The following C2CD5 variants were observed in gnomAD, a reference collection of about 807,000 sequenced individuals.
The protein encoded by C2CD5 is C2 calcium dependent domain containing 5.
A neutral mutation model predicts 130.3 loss-of-function variants in C2CD5; 109 were observed. The observed-to-expected ratio is 0.84, with a 90% CI of 0.72 to 0.98. C2CD5 has a LOEUF of 0.98. Ranked by LOEUF, C2CD5 falls within the 50% of genes least tolerant of loss-of-function variation. C2CD5 has a pLI of 0.00. For synonymous variants in C2CD5, 454 were observed against 429.2 expected, an observed-to-expected ratio of 1.06 and a Z score of -0.71; for missense variants, 996 against 1,261.8, an observed-to-expected ratio of 0.79 and a Z score of 3.19.
At chr12:22,534,404 C>A (rs565718522) in intron 3 of C2CD5, among the ~76,000 whole-genome samples, 2 of 151,934 alleles carry the variant, frequency 1.3e-5, no homozygotes, top group South Asian at 2.1e-4. Context: ...AAAACTTTTG[C>A]GCATCAAAGA....
intron 3 of C2CD5, among the ~76,000 whole-genome samples, chr12:22,534,404 C>T (rs565718522): frequency 2.1e-4 from 32 of 152,052 alleles, no homozygotes; most frequent in Non-Finnish European, 3.5e-4. Context: ...AAAACTTTTG[C>T]GCATCAAAGA....
chr12:22,512,610 C>A, intron 9 of C2CD5: 1 of 1,370,900 alleles, frequency 7.3e-7, no homozygotes, highest in Non-Finnish European at 9.7e-7. Context: ...GCTATCAATA[C>A]AAGAAATAGG....
intron 9 of C2CD5, among the ~76,000 whole-genome samples, chr12:22,509,219 C>T (rs1308512416): frequency 5.3e-5 from 8 of 152,214 alleles, no homozygotes; most frequent in Non-Finnish European, 1.2e-4. Flanking sequence ...CTGAAAATAA[C>T]ATTTTTGTAA....
Position 22,472,338 on chromosome 12 carries a change from C to G in C2CD5, c.2117G>C (p.Ser706Thr). The part of the protein sequence containing the change: ...TDVPPPSGFY[S>T]CNTEIMPGIN... The stretch of plus-strand genomic sequence containing the variant: ...ACCGGGCATAATTTCTGTATTACAA[C>G]TATAAAAGCCTGTCAAAATAAATTG... The change falls in exon 18 of 27, where the codon AGT (serine) becomes ACT (threonine). Residue 706 changes from serine to threonine, a missense_variant. Transcript: ENST00000446597. 2.8e-6 allele frequency: 4 copies of G among 1,426,526 alleles called. No individual in the cohort carries two copies. The highest frequency in any genetic ancestry group is 1.8e-4 in the Middle Eastern group (1 of 5,600). The allele number at this position is 1,426,526 out of a possible 1,614,324, so 88.4% of individuals were successfully genotyped here.
At position 22,481,465 on chromosome 12, in the gene C2CD5, A is replaced by G. The variant is rs1436900819; in HGVS notation, c.1737+1092T>C. Among the ~76,000 whole-genome samples, 3 of 152,256 alleles carry G rather than the reference A, an allele frequency of 2.0e-5. No individual in the cohort carries two copies. In the East Asian group the frequency reaches 5.8e-4, roughly 29 times the overall value. The stretch of plus-strand genomic sequence containing the variant: ...ATAAACGTGGTTCATCAGATTCCAT[A>G]TGATCAATACACTTTTTGCAGGCAC... On this transcript the variant is annotated intron_variant, in intron 14 of 26. Transcript: ENST00000446597.
At chr12:22,513,168 C>G (rs933212301) in intron 9 of C2CD5, 126 bp downstream of exon 9, 3 of 599,090 alleles carry the variant, frequency 5.0e-6, no homozygotes, top group Non-Finnish European at 8.8e-6. Flanking sequence ...CCATTTTGGA[C>G]TTCAAAACTG....
At chr12:22,469,685 T>C (rs1379884757) in intron 22 of C2CD5, 24 bp downstream of exon 22, 3 of 1,455,558 alleles carry the variant, frequency 2.1e-6, no homozygotes, top group Non-Finnish European at 2.8e-6. Flanking sequence ...GATTTGTGTT[T>C]GCTTTTTCCC....
chr12:22,466,953 C>T (rs1942186429), intron 22 of C2CD5, among the ~76,000 whole-genome samples: 1 of 152,140 alleles, frequency 6.6e-6, no homozygotes, highest in Non-Finnish European at 1.5e-5. Context: ...AGTGAAATCA[C>T]ATACAGAAGA....
chr12:22,510,681 A>C (rs779777137), intron 9 of C2CD5, among the ~76,000 whole-genome samples: 1 of 152,214 alleles, frequency 6.6e-6, no homozygotes, highest in Non-Finnish European at 1.5e-5. Flanking sequence ...TGTTTCCCAA[A>C]ATGTGTTCCT....
At chr12:22,519,976 TATAAG>T (rs1950120636) in intron 7 of C2CD5, among the ~76,000 whole-genome samples, 1 of 152,136 alleles carries the variant, frequency 6.6e-6, no homozygotes. Flanking sequence ...ATCAAAATTT[TATAAG>T]ATATCAACAT....
Position 22,449,520 on chromosome 12 carries a change from T to C in C2CD5, c.*240A>G. On this transcript the variant is annotated 3_prime_UTR_variant, in exon 27 of 27. Coordinates refer to ENST00000446597, the MANE Select transcript of C2CD5 (RefSeq NM_001286176.2). Reference sequence around the variant, plus strand: ...AAGGTTCCATCTTTGCTACGGTTCTTTTAAAAATTTATCTTAACTTACTGA... The same window carrying C: ...AAGGTTCCATCTTTGCTACGGTTCTCTTAAAAATTTATCTTAACTTACTGA... 2.9e-6 allele frequency: 1 copy of C among 340,184 alleles called. No individual in the cohort carries two copies. Among genetic ancestry groups the C allele is most frequent in the Non-Finnish European group, 5.3e-6 (1 of 187,202 alleles). 21.1% of individuals were successfully genotyped at this position (340,184 alleles called of 1,614,324 possible).
chr12:22,488,795 G>A (rs757235674), intron 12 of C2CD5, among the ~76,000 whole-genome samples: 2 of 151,500 alleles, frequency 1.3e-5, no homozygotes, highest in Admixed American at 6.6e-5. Context: ...AGTTCCTCTA[G>A]TGAATACCAG....
chr12:22,532,792 C>T (rs1951427888), intron 3 of C2CD5, among the ~76,000 whole-genome samples: 1 of 152,152 alleles, frequency 6.6e-6, no homozygotes, highest in African/African-American at 2.4e-5. Flanking sequence ...TGACACCTTA[C>T]CCTGCAAGAG....
chr12:22,498,899 C>G (rs1462359288), intron 10 of C2CD5, among the ~76,000 whole-genome samples: 1 of 152,104 alleles, frequency 6.6e-6, no homozygotes, highest in African/African-American at 2.4e-5. Context: ...AACTTCTTTA[C>G]TTCTTCTTGC....
In C2CD5 at chr12:22,465,643, C is replaced by G. The variant is rs187361249; in HGVS notation, c.2533+4066G>C. 3.3e-5 allele frequency among the ~76,000 whole-genome samples: 5 copies of G among 151,988 alleles called. No individual in the cohort carries two copies. In the East Asian group the frequency reaches 7.7e-4, roughly 23 times the overall value. Reference sequence around the variant, plus strand: ...CCAGACCTCAACCCAGATTCCCCCCCATTTTGCTCATTCTTTTTTTCTATA... The same window carrying G: ...CCAGACCTCAACCCAGATTCCCCCCGATTTTGCTCATTCTTTTTTTCTATA... On this transcript the variant is annotated intron_variant, in intron 22 of 26. Coordinates refer to ENST00000446597, the MANE Select transcript of C2CD5 (RefSeq NM_001286176.2).
chr12:22,514,430 G>C (rs1949506720), intron 8 of C2CD5, among the ~76,000 whole-genome samples: 1 of 151,984 alleles, frequency 6.6e-6, no homozygotes, highest in Non-Finnish European at 1.5e-5. Flanking sequence ...ATGAAACTAA[G>C]ATCTTTATAC....
intron 2 of C2CD5, among the ~76,000 whole-genome samples, chr12:22,541,188 C>T (rs888794227): frequency 6.6e-6 from 1 of 152,168 alleles, no homozygotes; most frequent in Non-Finnish European, 1.5e-5. Context: ...TCTTTACCAT[C>T]CCCCTGGAGT....
chr12:22,512,335 A>C (rs1949278676), intron 9 of C2CD5, among the ~76,000 whole-genome samples: 1 of 152,114 alleles, frequency 6.6e-6, no homozygotes, highest in Non-Finnish European at 1.5e-5. Flanking sequence ...TTTTCCCCCA[A>C]ATGCTAGTGT....
In C2CD5 at chr12:22,458,532, G is replaced by A; in HGVS notation, c.2638C>T (p.Leu880Phe). ...ATGGTCTGAGCTTTCAGTTTAATGA[G>A]CTCTATCCAGCTGCTGCATCTGTCT... ...FADRCSSWIE[L>F]IKLKAQTIRR... is the part of the protein sequence containing the mutation. The change falls in exon 24 of 27, where the codon CTC becomes TTC. Residue 880 changes from leucine to phenylalanine, a missense_variant. Physicochemically the swap from Leu to Phe is conservative, Grantham distance 22. This residue lies in a region of C2CD5 where 590 missense variants were observed against 631.4 expected (regional missense o/e 0.93). Transcript: ENST00000446597. 1 of 1,309,642 alleles carries A rather than the reference G, an allele frequency of 7.6e-7. No individual in the cohort carries two copies. Among genetic ancestry groups the A allele is most frequent in the African/African-American group, 1.5e-5 (1 of 66,214 alleles). 81.1% of individuals were successfully genotyped at this position (1,309,642 alleles called of 1,614,324 possible). A position where few individuals can be genotyped will look rare whatever the true frequency, so the allele number is the denominator to read the frequency against.
Sources: gnomAD v4.1 joint callset for allele counts (sites outside exome capture counted in the v4.1 genomes callset) on GRCh38, gnomAD v4.1.1 for gene constraint, gnomAD v4.1.1 regional missense constraint, MANE v1.5 for transcripts, NCBI Gene and HGNC (gene_info 2026-07-23, HGNC 2026-07-21) for gene names.